MTA3: variants seen among roughly 807,000 people sequenced by gnomAD.
The protein encoded by MTA3 is metastasis associated 1 family member 3, also known as metastasis-associated protein MTA3.
A neutral mutation model predicts 83.5 loss-of-function variants in MTA3; 34 were observed. The observed-to-expected ratio is 0.41, with a 90% CI of 0.31 to 0.54. MTA3 has a LOEUF of 0.54. MTA3 is among the 20% of genes least tolerant of loss of function. The probability of loss-of-function intolerance (pLI) is 0.33; values close to 1 mark genes in which losing one functional copy is unlikely to be tolerated. For synonymous variants in MTA3, 303 were observed against 252.7 expected (o/e 1.20, Z -1.89); for missense variants, 761 against 726.4 (o/e 1.05, Z -0.55).
chr2:42,547,780 A>C (rs748207952), intron 2 of MTA3, among the ~76,000 whole-genome samples: 3 of 152,202 alleles, frequency 2.0e-5, no homozygotes, highest in Non-Finnish European at 4.4e-5. Flanking sequence ...GACTCAAATA[A>C]AGAAGTACAG....
At chr2:42,558,852 G>T (rs1190043245) in intron 2 of MTA3, among the ~76,000 whole-genome samples, 2 of 151,718 alleles carry the variant, frequency 1.3e-5, no homozygotes, top group East Asian at 3.9e-4. Context: ...ACCGTGCCCG[G>T]CCTTTTTTTT....
intron 3 of MTA3, among the ~76,000 whole-genome samples, chr2:42,594,726 ATATT>A (rs1461401776): frequency 2.4e-4 from 7 of 29,360 alleles, no homozygotes; most frequent in African/African-American, 1.1e-3. Context: ...ATATATATAT[ATATT>A]TTTTTTTTTT....
chr2:42,549,932 T>TCTTGCTGATC (rs1677040304), intron 2 of MTA3, among the ~76,000 whole-genome samples: 1 of 151,504 alleles, frequency 6.6e-6, no homozygotes, highest in Non-Finnish European at 1.5e-5. Context: ...ATTAGTCACT[T>TCTTGCTGATC]AGTAGCCTTC....
At chr2:42,566,765 T>G (rs1301737981), upstream of MTA3, among the ~76,000 whole-genome samples, 1 of 152,202 alleles carries the variant, frequency 6.6e-6, no homozygotes, top group African/African-American at 2.4e-5. Context: ...GAAAAATTAA[T>G]GGGAAAACAT....
chr2:42,671,051 T>C (rs1690747409), intron 8 of MTA3, among the ~76,000 whole-genome samples: 1 of 152,120 alleles, frequency 6.6e-6, no homozygotes, highest in Admixed American at 6.5e-5. Flanking sequence ...TGTATCTTCA[T>C]AGTCTCTTTC....
chr2:42,666,430 G>C (rs972397387), intron 8 of MTA3, among the ~76,000 whole-genome samples: 12 of 152,204 alleles, frequency 7.9e-5, no homozygotes, highest in African/African-American at 2.9e-4. Flanking sequence ...CCTGGCCTCT[G>C]TCTATAGCCC....
At chr2:42,656,326 G>T (rs1220098788) in intron 7 of MTA3, 24 bp downstream of exon 7, 1 of 1,472,338 alleles carries the variant, frequency 6.8e-7, no homozygotes, top group East Asian at 2.3e-5. Context: ...TGGCATTATT[G>T]AGTCAATAAA....
intron 3 of MTA3, among the ~76,000 whole-genome samples, chr2:42,604,992 C>T (rs1337137996): frequency 1.3e-5 from 2 of 150,508 alleles, no homozygotes; most frequent in African/African-American, 4.9e-5. Flanking sequence ...TCTTTCCACA[C>T]AGACACGGCA....
chr2:42,635,027 G>T (rs1687049318), intron 4 of MTA3, among the ~76,000 whole-genome samples: 1 of 152,092 alleles, frequency 6.6e-6, no homozygotes, highest in South Asian at 2.1e-4. Context: ...TTCTAAAAAT[G>T]TAAAAGTTTT....
intron 16 of MTA3, 37 bp downstream of exon 16, chr2:42,723,072 A>T (rs535061647): frequency 7.8e-6 from 12 of 1,546,414 alleles, no homozygotes; most frequent in Admixed American, 3.9e-5. Flanking sequence ...CTGTTCTGAT[A>T]GAGTGCCTTC....
At chr2:42,591,827 T>A (rs1267493489) in intron 3 of MTA3, among the ~76,000 whole-genome samples, 1 of 152,052 alleles carries the variant, frequency 6.6e-6, no homozygotes, top group Non-Finnish European at 1.5e-5. Context: ...ATTTTTGTAT[T>A]TTTAGTAGAG....
intron 8 of MTA3, among the ~76,000 whole-genome samples, chr2:42,663,687 C>A (rs1034424011): frequency 1.3e-5 from 2 of 152,106 alleles, no homozygotes; most frequent in Non-Finnish European, 2.9e-5. Context: ...ATCCCTTGAG[C>A]CAAGAAGTTC....
intron 4 of MTA3, among the ~76,000 whole-genome samples, chr2:42,611,822 T>C (rs1465718092): frequency 1.3e-5 from 2 of 152,038 alleles, no homozygotes; most frequent in East Asian, 1.9e-4. Flanking sequence ...GTGAAATAAA[T>C]AATAAATAGG....
chr2:42,544,942 C>T (rs1029212236), intron 2 of MTA3, among the ~76,000 whole-genome samples: 3 of 152,142 alleles, frequency 2.0e-5, no homozygotes, highest in Admixed American at 6.6e-5. Flanking sequence ...ATTTTGACAA[C>T]CAGCTAATAT....
At chr2:42,652,657 A>G (rs1349836505) in intron 6 of MTA3, among the ~76,000 whole-genome samples, 1 of 151,900 alleles carries the variant, frequency 6.6e-6, no homozygotes, top group Non-Finnish European at 1.5e-5. Context: ...TTGCTTTTTT[A>G]TTTACTCAAA....
rs571667613 is a variant in MTA3 at position 42,710,508 on chromosome 2, G to A, written c.1525+1412G>A. Among the ~76,000 whole-genome samples, 7 of 137,052 alleles carry A rather than the reference G, an allele frequency of 5.1e-5. No individual in the cohort carries two copies. In the South Asian group the frequency reaches 9.1e-4, roughly 18 times the overall value. The allele number at this position is 137,052 out of a possible 152,430, so 89.9% of individuals were successfully genotyped here. A position where few individuals can be genotyped will look rare whatever the true frequency, so the allele number is the denominator to read the frequency against. Reference sequence around the variant, plus strand: ...AGAGGTTGCAGTGAGCTGAGATTGCGCCATTGCGCTCCAGCCTGGGCAATG... The same window carrying A: ...AGAGGTTGCAGTGAGCTGAGATTGCACCATTGCGCTCCAGCCTGGGCAATG... On this transcript the variant is annotated intron_variant, in intron 14 of 16. Coordinates refer to ENST00000405094, the MANE Select transcript of MTA3 (RefSeq NM_001330442.2).
chr2:42,722,250 A>G (rs1330701229), intron 15 of MTA3, among the ~76,000 whole-genome samples: 2 of 152,218 alleles, frequency 1.3e-5, no homozygotes, highest in Non-Finnish European at 2.9e-5. Context: ...ATGGCTAACA[A>G]CAATATACCT....
intron 3 of MTA3, among the ~76,000 whole-genome samples, chr2:42,580,346 T>A (rs1019401368): frequency 6.6e-6 from 1 of 151,770 alleles, no homozygotes; most frequent in African/African-American, 2.4e-5. Flanking sequence ...TTTATTATTT[T>A]ATTTAATTAA....
intron 8 of MTA3, among the ~76,000 whole-genome samples, chr2:42,663,299 C>G (rs1189796480): frequency 1.3e-5 from 2 of 152,186 alleles, no homozygotes; most frequent in Non-Finnish European, 2.9e-5. Context: ...TCTTGGTTCA[C>G]AGCTGCAGCA....
Sources: allele counts gnomAD v4.1 joint callset (sites outside exome capture counted in the v4.1 genomes callset), GRCh38; gene constraint gnomAD v4.1.1; transcripts MANE v1.5; gene names NCBI Gene and HGNC (gene_info 2026-07-23, HGNC 2026-07-21).